The following WASL variants were observed in gnomAD, a reference collection of about 807,000 sequenced individuals.
WASL encodes actin nucleation-promoting factor WASL.
A neutral mutation model predicts 55.5 loss-of-function variants in WASL; 20 were observed. That is an observed-to-expected ratio of 0.36 (90% CI 0.25 to 0.52). The LOEUF is 0.52. Among genes scored for constraint, WASL ranks in the 20% least tolerant of loss-of-function variants. The pLI, the probability that WASL is intolerant of heterozygous loss-of-function variation, is 0.92. For missense variants in WASL, 504 were observed against 622.5 expected, an observed-to-expected ratio of 0.81 and a Z score of 2.03; for synonymous variants, 249 against 217.6, an observed-to-expected ratio of 1.14 and a Z score of -1.27.
intron 1 of WASL, among the ~76,000 whole-genome samples, chr7:123,738,015 C>G (rs1423270640): frequency 6.6e-6 from 1 of 152,070 alleles, no homozygotes; most frequent in African/African-American, 2.4e-5. Flanking sequence ...GAAAATTGGT[C>G]TAAGGACAAG....
At chr7:123,711,043 T>C (rs766464218) in intron 1 of WASL, among the ~76,000 whole-genome samples, 1 of 152,230 alleles carries the variant, frequency 6.6e-6, no homozygotes, top group Non-Finnish European at 1.5e-5. Context: ...TCTAAAAAGA[T>C]AGCAATTAGG....
chr7:123,688,718 T>C (rs1331278954), intron 10 of WASL, among the ~76,000 whole-genome samples: 1 of 152,136 alleles, frequency 6.6e-6, no homozygotes, highest in Non-Finnish European at 1.5e-5. Flanking sequence ...ATCTCAAGCT[T>C]TGTTTAGAGG....
intron 1 of WASL, among the ~76,000 whole-genome samples, chr7:123,732,110 G>A (rs1316195700): frequency 2.0e-5 from 3 of 152,030 alleles, no homozygotes; most frequent in African/African-American, 4.8e-5. Context: ...GGCAGATCAC[G>A]AGATCAGGAG....
At chr7:123,714,691 G>C (rs943531374) in intron 1 of WASL, among the ~76,000 whole-genome samples, 5 of 152,006 alleles carry the variant, frequency 3.3e-5, no homozygotes, top group African/African-American at 1.2e-4. Context: ...ATGAAAATGA[G>C]GGCAAATACA....
Position 123,684,250 on chromosome 7 carries a change from C to A in WASL, c.*269G>T. 1 of 173,836 alleles carries A rather than the reference C, an allele frequency of 5.8e-6. No individual in the cohort carries two copies. 10.8% of individuals were successfully genotyped at this position (173,836 alleles called of 1,614,324 possible). A position where few individuals can be genotyped will look rare whatever the true frequency, so the allele number is the denominator to read the frequency against. On this transcript the variant is annotated 3_prime_UTR_variant, in exon 11 of 11. Coordinates refer to ENST00000223023, the MANE Select transcript of WASL (RefSeq NM_003941.4). ...GTCTCACATATAGTATTTAAACTCC[C>A]TTGTTGATGGAATGAAAAATATTCA...
intron 1 of WASL, among the ~76,000 whole-genome samples, chr7:123,727,382 C>CACACACACAA (rs1804065324): frequency 6.6e-6 from 1 of 151,626 alleles, no homozygotes; most frequent in East Asian, 1.9e-4. Flanking sequence ...CACACACACA[C>CACACACACAA]AAACTTATAC....
chr7:123,738,416 T>C (rs538431876), intron 1 of WASL, among the ~76,000 whole-genome samples: 1 of 152,282 alleles, frequency 6.6e-6, no homozygotes, highest in East Asian at 1.9e-4. Context: ...CCCTCTGTAA[T>C]CTTGAGCTTG....
At chr7:123,745,526 A>G (rs1355457157) in intron 1 of WASL, among the ~76,000 whole-genome samples, 1 of 152,210 alleles carries the variant, frequency 6.6e-6, no homozygotes, top group Non-Finnish European at 1.5e-5. Context: ...CAAAAATTGA[A>G]GAAAAATCTA....
chr7:123,697,069 C>T (rs530119825), intron 5 of WASL, among the ~76,000 whole-genome samples: 4 of 151,956 alleles, frequency 2.6e-5, no homozygotes, highest in African/African-American at 9.6e-5. Flanking sequence ...GCCTCATATC[C>T]AACACATTGC....
intron 10 of WASL, 50 bp downstream of exon 10, chr7:123,688,992 C>A: frequency 6.9e-7 from 1 of 1,440,084 alleles, no homozygotes; most frequent in Non-Finnish European, 9.6e-7. Flanking sequence ...TAAACACACA[C>A]GCACACTCTC....
chr7:123,712,866 C>A (rs1295692572), intron 1 of WASL, among the ~76,000 whole-genome samples: 1 of 152,186 alleles, frequency 6.6e-6, no homozygotes, highest in Non-Finnish European at 1.5e-5. Context: ...TTCAGCACTT[C>A]TACTGTTTAA....
At chr7:123,709,043 G>A (rs923983319) in intron 2 of WASL, 46 bp downstream of exon 2, 1 of 1,521,718 alleles carries the variant, frequency 6.6e-7, no homozygotes, top group Non-Finnish European at 8.8e-7. Context: ...AATTGATATA[G>A]AAAACCTAAT....
At chr7:123,716,588 C>G (rs2299983) in intron 1 of WASL, among the ~76,000 whole-genome samples, 65,442 of 150,182 alleles carry the variant, frequency 0.44, 14,699 homozygotes, top group South Asian at 0.67. Context: ...GTCCTGATAA[C>G]AAGGGGAAAA....
intron 1 of WASL, among the ~76,000 whole-genome samples, chr7:123,733,961 T>G (rs989404945): frequency 6.7e-6 from 1 of 148,794 alleles, no homozygotes; most frequent in African/African-American, 2.5e-5. Context: ...ACCTTATGAC[T>G]TACACAGAAA....
At chr7:123,739,424 T>C (rs1273863558) in intron 1 of WASL, among the ~76,000 whole-genome samples, 2 of 152,214 alleles carry the variant, frequency 1.3e-5, no homozygotes, top group African/African-American at 4.8e-5. Context: ...CCACTTACAA[T>C]TTTTCAGCTT....
At chr7:123,688,997 ACTCTCTCTGTCTCTCTCTCT>A (rs1160106112) in intron 10 of WASL, 25 bp downstream of exon 10, 33 of 1,432,468 alleles carry the variant, frequency 2.3e-5, no homozygotes, top group Non-Finnish European at 3.0e-5. Context: ...ACACACGCAC[ACTCTCTCTGTCTCTCTCTCT>A]CTCTCTCTCT....
chr7:123,702,259 T>A (rs963784571), intron 5 of WASL, among the ~76,000 whole-genome samples: 2 of 152,114 alleles, frequency 1.3e-5, no homozygotes, highest in East Asian at 3.9e-4. Flanking sequence ...TTTCGTTATG[T>A]TGGCCAGGCT....
At chr7:123,702,882 TTAATTA>T (rs1443630481) in intron 5 of WASL, among the ~76,000 whole-genome samples, 1 of 152,148 alleles carries the variant, frequency 6.6e-6, no homozygotes, top group African/African-American at 2.4e-5. Context: ...AACCTTAATT[TTAATTA>T]TATTATTTCT....
intron 1 of WASL, among the ~76,000 whole-genome samples, chr7:123,732,053 C>G (rs1016903474): frequency 1.3e-5 from 2 of 152,182 alleles, no homozygotes; most frequent in African/African-American, 4.8e-5. Context: ...GGCGGCCAGG[C>G]GCGGTGGCTC....
Sources: gnomAD v4.1 joint callset for allele counts (sites outside exome capture counted in the v4.1 genomes callset) on GRCh38, gnomAD v4.1.1 for gene constraint, MANE v1.5 for transcripts, NCBI Gene and HGNC (gene_info 2026-07-23, HGNC 2026-07-21) for gene names.